The following TEP1 variants were observed in gnomAD, a reference collection of about 807,000 sequenced individuals.
TEP1 encodes telomerase associated protein 1.
TEP1 carries 241 observed loss-of-function variants against 306.3 expected under a neutral mutation model. The ratio of observed to expected loss-of-function variants is 0.79; its 90% CI spans 0.71 to 0.88. The LOEUF (loss-of-function observed/expected upper bound fraction) is 0.88, where lower values mean the gene tolerates loss of function less well. Ranked by LOEUF, TEP1 falls within the 40% of genes least tolerant of loss-of-function variation. The pLI is 0.00. For synonymous variants in TEP1, 1,289 were observed against 1,305.5 expected, an observed-to-expected ratio of 0.99 and a Z score of 0.27; for missense variants, 3,051 against 3,276.1, an observed-to-expected ratio of 0.93 and a Z score of 1.68.
chr14:20,397,424 G>A (rs1398818327), intron 9 of TEP1, among the ~76,000 whole-genome samples: 2 of 151,864 alleles, frequency 1.3e-5, no homozygotes, highest in Non-Finnish European at 2.9e-5. Flanking sequence ...CAGGAGAATC[G>A]CTTGAAACCA....
chr14:20,408,126 A>G lies in TEP1; in HGVS notation c.314T>C (p.Leu105Pro). ...HGHVSAHPDI[L>P]SLENRCLATL... is the part of the protein sequence containing the mutation. ...GGCCAGGCACCGGTTCTCCAAGGAG[A>G]GGATGTCTGGGTGGGCAGAAACATG... The change falls in exon 2 of 55, where the codon CTC becomes CCC. Residue 105 changes from leucine (L) to proline (P), a missense_variant. Leu to Pro is a moderately conservative substitution (Grantham distance 98). Around this residue, in one of 3 missense-constraint regions of TEP1, gnomAD observed 1,507 missense variants for 1,550.5 expected, o/e 0.97. Transcript: ENST00000262715. 1 of 1,609,874 alleles carries G rather than the reference A, an allele frequency of 6.2e-7. No individual in the cohort carries two copies.
chr14:20,388,898 C>G (rs531874404), intron 17 of TEP1, among the ~76,000 whole-genome samples: 115 of 152,194 alleles, frequency 7.6e-4, no homozygotes, highest in African/African-American at 2.7e-3. Flanking sequence ...GCCTGTAATC[C>G]CAGCACTTTG....
chr14:20,386,691 G>C (rs952050470), intron 18 of TEP1, 68 bp from the exon 19 acceptor site: 24 of 1,473,196 alleles, frequency 1.6e-5, no homozygotes, highest in Non-Finnish European at 1.9e-5. Context: ...AGACACTGCT[G>C]TGATCACCCT....
intron 33 of TEP1, 82 bp downstream of exon 33, chr14:20,380,849 C>G: frequency 8.2e-7 from 1 of 1,224,606 alleles, no homozygotes; most frequent in Non-Finnish European, 1.2e-6. Context: ...CACACCCCTG[C>G]CCCAACCCTG....
intron 27 of TEP1, 62 bp downstream of exon 27, chr14:20,383,112 C>G: frequency 6.6e-7 from 1 of 1,518,414 alleles, no homozygotes; most frequent in African/African-American, 1.4e-5. Flanking sequence ...CCTCGGCACC[C>G]CAGGTCCTCA....
rs1167381112 is a variant in TEP1, at chr14:20,382,371, G to T, written c.4141-15C>A. ...CTCTCAGACACCTAGGATGGCGGGAGGACAGCCTTGTTCAGTGCAGTGGGA... is the reference window on the plus strand; with the variant it reads ...CTCTCAGACACCTAGGATGGCGGGATGACAGCCTTGTTCAGTGCAGTGGGA... On this transcript the variant is annotated splice_polypyrimidine_tract_variant and intron_variant, in intron 28 of 54. Transcript: ENST00000262715. 1 of 1,598,322 alleles carries T rather than the reference G, an allele frequency of 6.3e-7. No individual in the cohort carries two copies. Among genetic ancestry groups the T allele is most frequent in the African/African-American group, 1.3e-5 (1 of 74,786 alleles).
Position 20,381,032 on chromosome 14 carries a change from T to C in TEP1, c.4661A>G (p.Asn1554Ser). 6.2e-7 allele frequency: 1 copy of C among 1,613,976 alleles called. No homozygotes were observed. The highest frequency in any genetic ancestry group is 2.2e-5 in the East Asian group (1 of 44,870). Residue 1554 changes from asparagine to serine, a missense_variant, in exon 33 of 55, where the codon AAC (asparagine) becomes AGC (serine). Asn to Ser is a conservative substitution (Grantham distance 46). Transcript: ENST00000262715. The surrounding 1 kb of genome is among the most constrained non-coding windows in gnomAD (Gnocchi z 4.0). The stretch of plus-strand genomic sequence containing the variant: ...AAGGAACTTCGAAAGAAGTCCACGG[T>C]TCCCGCTCTGGAGCTGAGAAGGTCA... ...DLPYHLLQSG[N>S]RGLLSKFLTN...
At chr14:20,392,656 C>A (rs577071482) in intron 12 of TEP1, among the ~76,000 whole-genome samples, 1 of 152,202 alleles carries the variant, frequency 6.6e-6, no homozygotes, top group Admixed American at 6.5e-5. Flanking sequence ...AATGTGTATA[C>A]CTTGTTTAGA....
At chr14:20,373,460 G>T (rs777727282) in intron 46 of TEP1, 47 bp downstream of exon 46, 1 of 1,613,854 alleles carries the variant, frequency 6.2e-7, no homozygotes. Flanking sequence ...AGGTTATTCC[G>T]CATACCTTCC....
chr14:20,412,423 G>C (rs1267247012), intron 1 of TEP1, among the ~76,000 whole-genome samples: 2 of 152,020 alleles, frequency 1.3e-5, no homozygotes, highest in African/African-American at 4.8e-5. Flanking sequence ...AAGGAGATTC[G>C]GCTGAACCAC....
At chr14:20,379,156 A>C (rs777553918) in intron 35 of TEP1, 51 bp from the exon 36 acceptor site, 2 of 1,601,452 alleles carry the variant, frequency 1.2e-6, no homozygotes, top group Admixed American at 3.4e-5. Flanking sequence ...TTGACCCTCC[A>C]AGTCCCACCA....
At chr14:20,396,527 C>G in intron 10 of TEP1, 94 bp downstream of exon 10, 1 of 1,024,400 alleles carries the variant, frequency 9.8e-7, no homozygotes, top group Non-Finnish European at 1.4e-6. Flanking sequence ...CCTGCCTCTG[C>G]CCCCTGAAAA....
At chr14:20,400,863 T>TCGTTTTCAGTA in intron 9 of TEP1, 121 bp downstream of exon 9, 2 of 1,334,194 alleles carry the variant, frequency 1.5e-6, no homozygotes, top group African/African-American at 2.9e-5. Flanking sequence ...ATAAATCAAA[T>TCGTTTTCAGTA]ACAACAACCA....
intron 44 of TEP1, 72 bp downstream of exon 44, chr14:20,374,357 C>A (rs1056108637): frequency 2.9e-6 from 3 of 1,044,348 alleles, no homozygotes; most frequent in African/African-American, 3.2e-5. Context: ...ATTAGATACT[C>A]CATGCACCGT....
At chr14:20,391,815 C>T (rs1877752610) in intron 12 of TEP1, 48 bp from the exon 13 acceptor site, 3 of 1,592,426 alleles carry the variant, frequency 1.9e-6, no homozygotes, top group Non-Finnish European at 1.7e-6. Flanking sequence ...ACTTATCTGC[C>T]CCTTAGAGGC....
intron 13 of TEP1, 108 bp from the exon 14 acceptor site, chr14:20,391,204 A>C (rs1384945078): frequency 8.4e-7 from 1 of 1,195,228 alleles, no homozygotes; most frequent in Non-Finnish European, 1.2e-6. Flanking sequence ...GGAATAAGAA[A>C]AAGTGTAAAA....
rs1364899130 is a variant in TEP1, at chr14:20,384,172, A to G, written c.3400T>C (p.Phe1134Leu). Residue 1134 changes from phenylalanine (F) to leucine (L), a missense_variant, in exon 24 of 55, where the codon TTC becomes CTC. Phe to Leu is a conservative substitution (Grantham distance 22). Around this residue, in one of 3 missense-constraint regions of TEP1, gnomAD observed 1,507 missense variants for 1,550.5 expected, o/e 0.97. Transcript: ENST00000262715. Reference sequence around the variant, plus strand: ...CTCGGTGGCTTCTGCAGCTGCTGGAAGGTGGCCTGGACCAAGTCATCGTCT... The same window carrying G: ...CTCGGTGGCTTCTGCAGCTGCTGGAGGGTGGCCTGGACCAAGTCATCGTCT... ...IPDDDLVQAT[F>L]QQLQKPPSPA... 2 of 1,614,170 alleles carry G rather than the reference A, an allele frequency of 1.2e-6. No individual in the cohort carries two copies. Among genetic ancestry groups the G allele is most frequent in the Non-Finnish European group, 8.5e-7 (1 of 1,180,022 alleles).
At chr14:20,390,627 G>C in intron 15 of TEP1, 54 bp downstream of exon 15, 2 of 1,542,558 alleles carry the variant, frequency 1.3e-6, no homozygotes, top group Non-Finnish European at 1.8e-6. Flanking sequence ...AAATATATCA[G>C]TTGCAGAGGA....
In TEP1 at chr14:20,381,386, G is replaced by A. The variant is rs773422112; in HGVS notation, c.4574C>T (p.Thr1525Ile). 5.1e-5 allele frequency: 82 copies of A among 1,614,058 alleles called. No individual in the cohort carries two copies. The highest frequency in any genetic ancestry group is 3.0e-4 in the Admixed American group (18 of 60,018). Residue 1525 changes from threonine to isoleucine, a missense_variant, in exon 32 of 55, where the codon ACA becomes ATA. Thr to Ile is a moderately conservative substitution (Grantham distance 89). Around this residue, in one of 3 missense-constraint regions of TEP1, gnomAD observed 1,540 missense variants for 1,705.9 expected, o/e 0.90. Transcript: ENST00000262715. The surrounding 1 kb of genome is among the most constrained non-coding windows in gnomAD (Gnocchi z 4.0). ...HILIAAQLWK[T>I]CDADASGTFR... The stretch of plus-strand genomic sequence containing the variant: ...GGTGCCTGAGGCATCAGCGTCACAT[G>A]TCTTCCAGAGCTGAGCTGCATGAAC...
Sources: gnomAD v4.1 joint callset for allele counts (sites outside exome capture counted in the v4.1 genomes callset) on GRCh38, gnomAD v4.1.1 for gene constraint, gnomAD v4.1.1 regional missense constraint, Gnocchi (gnomAD v3.1) non-coding constraint, MANE v1.5 for transcripts, NCBI Gene and HGNC (gene_info 2026-07-23, HGNC 2026-07-21) for gene names.